The following SOD2 variants were observed in gnomAD, a reference collection of about 807,000 sequenced individuals.
SOD2 encodes superoxide dismutase [Mn], mitochondrial.
SOD2 carries 11 observed loss-of-function variants against 27.0 expected under a neutral mutation model. The observed-to-expected ratio is 0.41, with a 90% CI of 0.26 to 0.67. The LOEUF (loss-of-function observed/expected upper bound fraction) is 0.67. Ranked by LOEUF, SOD2 falls within the 30% of genes least tolerant of loss-of-function variation. SOD2 has a pLI of 0.34. For missense variants in SOD2, 250 were observed against 274.5 expected, an observed-to-expected ratio of 0.91 and a Z score of 0.63; for synonymous variants, 105 against 103.0, an observed-to-expected ratio of 1.02 and a Z score of -0.12.
rs1180903061 is a variant in SOD2, at chr6:159,673,443, T to A, written c.*9050A>T. ...AAACTAGAACTCAGGATTAAGAAACTCACTCAAAACCACTCAGCTACATGG... is the reference window on the plus strand; with the variant it reads ...AAACTAGAACTCAGGATTAAGAAACACACTCAAAACCACTCAGCTACATGG... On this transcript the variant is annotated 3_prime_UTR_variant, in exon 5 of 5. Coordinates refer to ENST00000538183, the MANE Select transcript of SOD2 (RefSeq NM_000636.4). The A allele has an allele frequency of 6.6e-6, 1 of 152,090 alleles. No individual in the cohort carries two copies. Among genetic ancestry groups the A allele is most frequent in the South Asian group, 2.1e-4 (1 of 4,804 alleles). 9.4% of individuals were successfully genotyped at this position (152,090 alleles called of 1,614,324 possible).
chr6:159,727,681 C>G, upstream of SOD2: 1 of 984,256 alleles, frequency 1.0e-6, no homozygotes, highest in Non-Finnish European at 1.2e-6. Context: ...CCGGTGGCGC[C>G]GGCGCGGCTT....
intron 1 of SOD2, chr6:159,755,762 T>TTTA: frequency 4.9e-5 from 42 of 857,136 alleles, no homozygotes; most frequent in Non-Finnish European, 5.8e-5. Context: ...TTTTTTTTCT[T>TTTA]TTCTTTTTTT....
Position 159,676,391 on chromosome 6 carries a change from T to A in SOD2, c.*6102A>T, listed in dbSNP as rs1779780720. The stretch of plus-strand genomic sequence containing the variant: ...GATTGGTTTAAGAAGATGTGGCACA[T>A]ATACACCATGGAATACTATGCAGCC... On this transcript the variant is annotated 3_prime_UTR_variant, in exon 5 of 5. Transcript: ENST00000538183. 2 of 152,110 alleles carry A rather than the reference T, an allele frequency of 1.3e-5. No homozygotes were observed. Among genetic ancestry groups the A allele is most frequent in the South Asian group, 4.1e-4 (2 of 4,832 alleles). The allele number at this position is 152,110 out of a possible 1,614,324, so 9.4% of individuals were successfully genotyped here.
At chr6:159,743,625 A>G (rs764173508) in intron 1 of SOD2, 2 of 1,552,772 alleles carry the variant, frequency 1.3e-6, no homozygotes, top group Non-Finnish European at 1.7e-6. Context: ...TTAGAACTTG[A>G]TCTTAAAATT....
chr6:159,689,510 G>A (rs1252415571), intron 2 of SOD2, among the ~76,000 whole-genome samples: 1 of 152,140 alleles, frequency 6.6e-6, no homozygotes, highest in Non-Finnish European at 1.5e-5. Flanking sequence ...GAAAAAAATG[G>A]AAATCCTCTT....
At position 159,738,985 on chromosome 6, in the gene SOD2, T is replaced by C. The variant is rs763799954; in HGVS notation, c.-116+6145A>G. 4.4e-6 allele frequency: 7 copies of C among 1,608,186 alleles called. No homozygotes were observed. The Admixed American group carries it at 5.0e-5, about 12-fold the overall frequency. On this transcript the variant is annotated intron_variant, in intron 1 of 3. Transcript: ENST00000537657. ...ACTAAATTCATATTGTAATTCTCTT[T>C]ATAGGTTCGATTGAGTGAAACAGAC...
chr6:159,742,414 A>G (rs540732264), intron 1 of SOD2, among the ~76,000 whole-genome samples: 1 of 152,334 alleles, frequency 6.6e-6, no homozygotes, highest in South Asian at 2.1e-4. Flanking sequence ...GCAGTAACTC[A>G]GAACTACTTG....
Position 159,682,466 on chromosome 6 carries a change from T to G in SOD2, c.*27A>C. Reference sequence around the variant, plus strand: ...ACTACAAAAACAGTCATAAAGAGCTTAACATACTCAGCATAACGATCGTGG... The same window carrying G: ...ACTACAAAAACAGTCATAAAGAGCTGAACATACTCAGCATAACGATCGTGG... On this transcript the variant is annotated 3_prime_UTR_variant, in exon 5 of 5. Transcript: ENST00000538183. 1 of 1,606,746 alleles carries G rather than the reference T, an allele frequency of 6.2e-7. No homozygotes were observed. The highest frequency in any genetic ancestry group is 1.1e-5 in the South Asian group (1 of 89,870).
At chr6:159,758,043 A>G (rs1172121039) in intron 1 of SOD2, among the ~76,000 whole-genome samples, 1 of 152,216 alleles carries the variant, frequency 6.6e-6, no homozygotes, top group Non-Finnish European at 1.5e-5. Context: ...TGTGGTACAC[A>G]GAGTCAGTAT....
At chr6:159,748,049 T>G (rs565097452), upstream of SOD2, 2 of 1,122,812 alleles carry the variant, frequency 1.8e-6, no homozygotes, top group South Asian at 3.4e-5. This position sits in a 1 kb window ranked among gnomAD's most constrained non-coding sequence, Gnocchi z 5.6. Context: ...AGTTTTAAGA[T>G]TTTTCTAGAG....
intron 1 of SOD2, among the ~76,000 whole-genome samples, chr6:159,741,266 T>C (rs1023130874): frequency 2.0e-5 from 3 of 152,334 alleles, no homozygotes; most frequent in East Asian, 1.9e-4. Context: ...CCTTGTATTC[T>C]GATAGCATAT....
intron 1 of SOD2, among the ~76,000 whole-genome samples, chr6:159,712,647 CT>C (rs1777844503): frequency 6.8e-6 from 1 of 147,710 alleles, no homozygotes; most frequent in African/African-American, 2.5e-5. Context: ...ATAACCACCA[CT>C]CACAATGCTC....
chr6:159,721,093 A>G (rs947673819), intron 1 of SOD2, among the ~76,000 whole-genome samples: 34 of 144,684 alleles, frequency 2.3e-4, no homozygotes, highest in Non-Finnish European at 4.7e-4. Context: ...TTTGAGACGG[A>G]GTCTCGCTCT....
chr6:159,745,138 T>G (rs1403061936), exon 1 of SOD2: 1 of 152,244 alleles, frequency 6.6e-6, no homozygotes, highest in East Asian at 1.9e-4. Flanking sequence ...ACCTTTAGAC[T>G]GCTAGCACTT....
In SOD2 at chr6:159,675,546, T is replaced by A. The variant is rs1417196393; in HGVS notation, c.*6947A>T. 6.6e-6 allele frequency: 1 copy of A among 152,232 alleles called. No homozygotes were observed. The highest frequency in any genetic ancestry group is 1.9e-4 in the East Asian group (1 of 5,206). 9.4% of individuals were successfully genotyped at this position (152,232 alleles called of 1,614,324 possible). The stretch of plus-strand genomic sequence containing the variant: ...GTGCTGGGAAAACTGGCTAGCCACA[T>A]GTAGAAAGCTGAAACTGGATCCCTT... On this transcript the variant is annotated 3_prime_UTR_variant, in exon 5 of 5. Coordinates refer to ENST00000538183, the MANE Select transcript of SOD2 (RefSeq NM_000636.4).
chr6:159,713,046 A>G lies in SOD2; in HGVS notation c.-116+14083T>C, dbSNP rs79501716. 0.01 allele frequency: 6,675 copies of G among 649,624 alleles called. 353 individuals are homozygous for G. The African/African-American group carries it at 0.11, about 11-fold the overall frequency. The allele number at this position is 649,624 out of a possible 1,614,324, so 40.2% of individuals were successfully genotyped here. A position where few individuals can be genotyped will look rare whatever the true frequency, so the allele number is the denominator to read the frequency against. ...AACTCTGTCATCGTGTCCAATTTCA[A>G]TATGTACTCTCATGAGGTTAAGAGG... On this transcript the variant is annotated intron_variant, in intron 1 of 2. Coordinates refer to the SOD2 transcript ENST00000401980.
chr6:159,755,638 T>G, intron 1 of SOD2: 2 of 1,546,440 alleles, frequency 1.3e-6, no homozygotes, highest in Non-Finnish European at 1.7e-6. Flanking sequence ...TTTTATACAG[T>G]GTCATTTAAT....
intron 1 of SOD2, chr6:159,726,482 G>A: frequency 4.2e-6 from 1 of 236,058 alleles, no homozygotes; most frequent in South Asian, 4.1e-5. Flanking sequence ...GTTTGATAAA[G>A]CCGGCTAAGG....
intron 1 of SOD2, chr6:159,714,021 C>T (rs1373748212): frequency 2.0e-5 from 14 of 703,356 alleles, no homozygotes; most frequent in Middle Eastern, 2.6e-4. Context: ...GCAAGTTTGG[C>T]GGAATGCAAT....
Sources: allele counts gnomAD v4.1 joint callset (sites outside exome capture counted in the v4.1 genomes callset), GRCh38; gene constraint gnomAD v4.1.1; non-coding constraint Gnocchi (gnomAD v3.1); transcripts MANE v1.5; gene names NCBI Gene and HGNC (gene_info 2026-07-23, HGNC 2026-07-21).